ZBED6: variants seen among roughly 807,000 people sequenced by gnomAD.
The protein encoded by ZBED6 is zinc finger BED domain-containing protein 6.
ZBED6 carries 40 observed loss-of-function variants against 58.4 expected under a neutral mutation model. The observed-to-expected ratio is 0.68, with a 90% CI of 0.53 to 0.89. The LOEUF is 0.89. Ranked by LOEUF, ZBED6 falls within the 40% of genes least tolerant of loss-of-function variation. ZBED6 has a pLI of 0.00. For synonymous variants in ZBED6, 439 were observed against 350.6 expected, an observed-to-expected ratio of 1.25 and a Z score of -2.82; for missense variants, 1,057 against 1,003.9, an observed-to-expected ratio of 1.05 and a Z score of -0.71.
At chr1:203,809,174 T>TC (rs1380686442) in intron 1 of ZBED6, among the ~76,000 whole-genome samples, 2 of 96,766 alleles carry the variant, frequency 2.1e-5, no homozygotes, top group East Asian at 6.4e-4. Flanking sequence ...TTCTCACTGT[T>TC]TTTTTTTTTT....
intron 9 of ZBED6, among the ~76,000 whole-genome samples, chr1:203,837,189 G>A (rs1297780302): frequency 6.6e-6 from 1 of 151,742 alleles, no homozygotes; most frequent in Non-Finnish European, 1.5e-5. Flanking sequence ...TACTTGGGAG[G>A]CTGAGGTGGG....
chr1:203,825,076 C>CAAAAAAA (rs61108073), intron 3 of ZBED6, among the ~76,000 whole-genome samples: 6 of 108,948 alleles, frequency 5.5e-5, no homozygotes, highest in African/African-American at 7.2e-5. Context: ...GACTCCGTCT[C>CAAAAAAA]AAAAAAAAAA....
intron 3 of ZBED6, among the ~76,000 whole-genome samples, chr1:203,822,018 A>C (rs1323841612): frequency 6.6e-6 from 1 of 152,042 alleles, no homozygotes; most frequent in Non-Finnish European, 1.5e-5. Context: ...TGGCCTCCCA[A>C]AGTCCTGGGA....
At chr1:203,800,068 A>G in exon 1 of ZBED6, 1 of 1,536,118 alleles carries the variant, frequency 6.5e-7, no homozygotes, top group Non-Finnish European at 8.7e-7. Context: ...TCAGCTGTAG[A>G]CAATGTTGCC....
intron 1 of ZBED6, among the ~76,000 whole-genome samples, chr1:203,804,150 G>GTT (rs1209891980): frequency 1.5e-5 from 2 of 131,016 alleles, no homozygotes; most frequent in African/African-American, 2.8e-5. Context: ...TCCTGTATAT[G>GTT]TGTTTTTTTT....
At chr1:203,825,878 C>G (rs1044489358) in intron 3 of ZBED6, among the ~76,000 whole-genome samples, 3 of 152,034 alleles carry the variant, frequency 2.0e-5, no homozygotes, top group Non-Finnish European at 4.4e-5. Flanking sequence ...GCATTTATTT[C>G]CATTTTCCAA....
chr1:203,850,255 G>C, intron 14 of ZBED6: 1 of 648,286 alleles, frequency 1.5e-6, no homozygotes, highest in East Asian at 2.8e-5. Context: ...TTTCTATGGT[G>C]CATCTTTCCT....
At chr1:203,848,497 T>G (rs1688479029) in intron 13 of ZBED6, 90 bp downstream of exon 13, 1 of 899,094 alleles carries the variant, frequency 1.1e-6, no homozygotes, top group Admixed American at 2.4e-5. Context: ...TCTAAGTACT[T>G]CATTCATATA....
chr1:203,813,909 C>T (rs1322846985), intron 1 of ZBED6, among the ~76,000 whole-genome samples: 1 of 151,962 alleles, frequency 6.6e-6, no homozygotes, highest in Non-Finnish European at 1.5e-5. Flanking sequence ...TCTAGTCACA[C>T]ACCTAATCTC....
chr1:203,848,702 A>G (rs1296640815), intron 13 of ZBED6, among the ~76,000 whole-genome samples: 2 of 152,222 alleles, frequency 1.3e-5, no homozygotes, highest in African/African-American at 2.4e-5. Context: ...CCTGGCTAAC[A>G]CGGTGAAACC....
intron 9 of ZBED6, among the ~76,000 whole-genome samples, chr1:203,834,354 C>T (rs191915029): frequency 1.3e-5 from 2 of 152,302 alleles, no homozygotes; most frequent in East Asian, 1.9e-4. Flanking sequence ...TCACTGCAAC[C>T]TCCACCTCCT....
chr1:203,815,726 A>G (rs1234917941), intron 1 of ZBED6, among the ~76,000 whole-genome samples: 2 of 152,210 alleles, frequency 1.3e-5, no homozygotes, highest in Non-Finnish European at 2.9e-5. Context: ...ATGGCATACC[A>G]TTCTTGCATT....
intron 8 of ZBED6, among the ~76,000 whole-genome samples, chr1:203,832,932 T>G (rs1050293002): frequency 1.3e-5 from 2 of 152,188 alleles, no homozygotes; most frequent in Non-Finnish European, 2.9e-5. Context: ...CGACTGCTAT[T>G]AATAATTAGT....
intron 11 of ZBED6, among the ~76,000 whole-genome samples, chr1:203,844,904 A>G (rs1199884542): frequency 6.6e-6 from 1 of 152,006 alleles, no homozygotes; most frequent in Non-Finnish European, 1.5e-5. Context: ...CAGCCCCAAC[A>G]TCTTCATAAT....
Position 203,797,804 on chromosome 1 carries a change from T to C in ZBED6, c.282T>C (p.Pro94=), listed in dbSNP as rs1483637529. Residue 94 remains proline, a synonymous_variant, in exon 1 of 17, where the codon CCT becomes CCC. Transcript: ENST00000550078. ...GTAAGGATTTGGGATCTGGGAGGCC[T>C]GTTGCAGATGCCCCTGCTTTGTTAG... 2.0e-6 allele frequency: 3 copies of C among 1,536,110 alleles called. No homozygotes were observed. In the South Asian group the frequency reaches 3.6e-5, roughly 18 times the overall value.
chr1:203,851,772 G>A (rs1271936205), intron 16 of ZBED6, among the ~76,000 whole-genome samples: 3 of 151,794 alleles, frequency 2.0e-5, no homozygotes, highest in East Asian at 3.9e-4. Context: ...AGACCAGCCT[G>A]GACAACATAG....
intron 1 of ZBED6, among the ~76,000 whole-genome samples, chr1:203,812,475 C>T (rs1389830574): frequency 1.3e-5 from 2 of 152,006 alleles, no homozygotes; most frequent in Non-Finnish European, 2.9e-5. Flanking sequence ...TTATTGGATG[C>T]ATACTATTCC....
chr1:203,852,158 C>T lies in ZBED6; in HGVS notation c.*4891C>T. The T allele has an allele frequency of 3.7e-6, 6 of 1,613,614 alleles. No individual in the cohort carries two copies. Among genetic ancestry groups the T allele is most frequent in the Non-Finnish European group, 4.2e-6 (5 of 1,179,830 alleles). On this transcript the variant is annotated 3_prime_UTR_variant, in exon 17 of 17. Transcript: ENST00000550078. ...TCTTACAGTCTTGTGCTGCCTCCAA[C>T]CCAGTCCTCTTCAGATTCCTCACCC...
At chr1:203,840,776 G>T (rs1050872799) in intron 11 of ZBED6, among the ~76,000 whole-genome samples, 5 of 151,972 alleles carry the variant, frequency 3.3e-5, no homozygotes, top group African/African-American at 1.2e-4. Context: ...TAGAATTACA[G>T]GCGTACGCCA....
Sources: allele counts gnomAD v4.1 joint callset (sites outside exome capture counted in the v4.1 genomes callset), GRCh38; gene constraint gnomAD v4.1.1; transcripts MANE v1.5; gene names NCBI Gene and HGNC (gene_info 2026-07-23, HGNC 2026-07-21).